The following PIEZO2 variants were observed in gnomAD, a reference collection of about 807,000 sequenced individuals.
The protein encoded by PIEZO2 is piezo-type mechanosensitive ion channel component 2.
PIEZO2 carries 172 observed loss-of-function variants against 337.3 expected under a neutral mutation model. The ratio of observed to expected loss-of-function variants is 0.51; its 90% CI spans 0.45 to 0.58. The LOEUF (loss-of-function observed/expected upper bound fraction) is 0.58, where lower values mean the gene tolerates loss of function less well. Ranked by LOEUF, PIEZO2 falls within the 20% of genes least tolerant of loss-of-function variation. The pLI, the probability that PIEZO2 is intolerant of heterozygous loss-of-function variation, is 0.00. For missense variants in PIEZO2, 3,028 were observed against 3,391.3 expected, an observed-to-expected ratio of 0.89 and a Z score of 2.66; for synonymous variants, 1,251 against 1,228.5, an observed-to-expected ratio of 1.02 and a Z score of -0.38.
Position 10,993,402 on chromosome 18 carries a change from G to A in PIEZO2, c.161-13742C>T, listed in dbSNP as rs2035181860. 6.6e-6 allele frequency among the ~76,000 whole-genome samples: 1 copy of A among 152,138 alleles called. No individual in the cohort carries two copies. The highest frequency in any genetic ancestry group is 2.1e-4 in the South Asian group (1 of 4,824). ...GCGTTCTATTGATACCTAGTTTATT[G>A]AGAGTTTTTAGCATGAAGGGGTGTT... On this transcript the variant is annotated intron_variant, in intron 2 of 55. Coordinates refer to ENST00000674853, the MANE Select transcript of PIEZO2 (RefSeq NM_001378183.1). The surrounding 1 kb of genome is among the most constrained non-coding windows in gnomAD (Gnocchi z 5.0).
intron 1 of PIEZO2, among the ~76,000 whole-genome samples, chr18:11,123,472 A>G (rs951910047): frequency 1.3e-5 from 2 of 152,238 alleles, no homozygotes; most frequent in African/African-American, 4.8e-5. Flanking sequence ...TTCATGTGAA[A>G]TGTGACCACA....
Position 10,798,276 on chromosome 18 carries a change from T to C in PIEZO2, c.1379-754A>G, listed in dbSNP as rs1363535519. Among the ~76,000 whole-genome samples the C allele has an allele frequency of 5.3e-5, 8 of 152,258 alleles. No homozygotes were observed. The East Asian group carries it at 1.5e-3, about 29-fold the overall frequency. Reference sequence around the variant, plus strand: ...AAGCCACTAAGTAGACTGCCCTTTCTGCCTTTCTTGTTCAAATCAAATGGG... The same window carrying C: ...AAGCCACTAAGTAGACTGCCCTTTCCGCCTTTCTTGTTCAAATCAAATGGG... On this transcript the variant is annotated intron_variant, in intron 11 of 55. Coordinates refer to ENST00000674853, the MANE Select transcript of PIEZO2 (RefSeq NM_001378183.1).
intron 52 of PIEZO2, among the ~76,000 whole-genome samples, chr18:10,678,811 T>C (rs2034130792): frequency 7.1e-6 from 1 of 141,474 alleles, no homozygotes; most frequent in African/African-American, 3.2e-5. Context: ...TCTCAGGAAG[T>C]CTCTCTCTTC....
intron 27 of PIEZO2, among the ~76,000 whole-genome samples, chr18:10,755,410 G>T (rs965248958): frequency 6.6e-6 from 1 of 152,152 alleles, no homozygotes; most frequent in Admixed American, 6.5e-5. Context: ...CAGCTAATAA[G>T]GGGGTATGAA....
Position 10,761,125 on chromosome 18 carries a change from A to C in PIEZO2, c.3250-14T>G, listed in dbSNP as rs2038111544. On this transcript the variant is annotated splice_polypyrimidine_tract_variant and intron_variant, in intron 23 of 55. Transcript: ENST00000674853. The stretch of plus-strand genomic sequence containing the variant: ...CAGGAGGTTATTCTACAAAGCAAGG[A>C]AACACAAATGTGTCAGCCAGAGGCT... The C allele has an allele frequency of 6.5e-7, 1 of 1,533,954 alleles. No individual in the cohort carries two copies. Among genetic ancestry groups the C allele is most frequent in the African/African-American group, 1.4e-5 (1 of 72,966 alleles).
chr18:10,891,582 C>T (rs778764769), intron 4 of PIEZO2, among the ~76,000 whole-genome samples: 2 of 152,168 alleles, frequency 1.3e-5, no homozygotes, highest in Non-Finnish European at 2.9e-5. Context: ...ACAATTCGCA[C>T]TCACAGGAAT....
intron 28 of PIEZO2, among the ~76,000 whole-genome samples, chr18:10,751,987 C>T (rs1277743197): frequency 6.6e-6 from 1 of 152,054 alleles, no homozygotes; most frequent in East Asian, 1.9e-4. Context: ...TTCGTCGGGG[C>T]CTGGTGCGGG....
At chr18:10,840,144 T>C (rs977950267) in intron 7 of PIEZO2, among the ~76,000 whole-genome samples, 2 of 152,230 alleles carry the variant, frequency 1.3e-5, no homozygotes, top group African/African-American at 4.8e-5. Flanking sequence ...ACATAACATA[T>C]TTTAATGTGT....
In PIEZO2 at chr18:10,803,976, T is replaced by C; in HGVS notation, c.1099A>G (p.Lys367Glu). 1 of 1,537,416 alleles carries C rather than the reference T, an allele frequency of 6.5e-7. No homozygotes were observed. Among genetic ancestry groups the C allele is most frequent in the Non-Finnish European group, 8.7e-7 (1 of 1,146,962 alleles). Residue 367 changes from lysine (K) to glutamate (E), a missense_variant, in exon 9 of 56, where the codon AAA (lysine) becomes GAA (glutamate). By Grantham distance (56) the Lys-to-Glu change is moderately conservative. Coordinates refer to ENST00000674853, the MANE Select transcript of PIEZO2 (RefSeq NM_001378183.1). The part of the protein sequence containing the change: ...QEPLVQDEGT[K>E]EEDKALACSP... ...CAAGCCAGGGCTTTGTCCTCTTCTT[T>C]GGTCCCCTCATCCTGCACCTGAAAC...
chr18:10,988,586 T>C lies in PIEZO2; in HGVS notation c.161-8926A>G, dbSNP rs1198972045. Among the ~76,000 whole-genome samples the C allele has an allele frequency of 1.3e-5, 2 of 152,144 alleles. No homozygotes were observed. The highest frequency in any genetic ancestry group is 2.9e-5 in the Non-Finnish European group (2 of 68,018). ...AAATAATCCCACTTCTGGGTATACA[T>C]TCAAAATAACTGAAATCAGGATGTC... is the stretch of plus-strand genomic sequence containing the variant. On this transcript the variant is annotated intron_variant, in intron 2 of 55. Coordinates refer to ENST00000674853, the MANE Select transcript of PIEZO2 (RefSeq NM_001378183.1). This position sits in a 1 kb window ranked among gnomAD's most constrained non-coding sequence, Gnocchi z 4.8.
rs1236717991 is a variant in PIEZO2 at position 10,676,644 on chromosome 18, T to C, written c.8081+1103A>G. 6.6e-6 allele frequency among the ~76,000 whole-genome samples: 1 copy of C among 152,228 alleles called. No homozygotes were observed. The highest frequency in any genetic ancestry group is 1.5e-5 in the Non-Finnish European group (1 of 68,042). On this transcript the variant is annotated intron_variant, in intron 53 of 55. Transcript: ENST00000674853. This position sits in a 1 kb window ranked among gnomAD's most constrained non-coding sequence, Gnocchi z 5.1. ...GTCTTTGCCTGGCTTTTGGTGATTA[T>C]GGTCAGATAAGAGCAAGGTTTGTCA...
Position 10,746,787 on chromosome 18 carries a change from G to A in PIEZO2, c.4424+1684C>T, listed in dbSNP as rs987024499. 2.6e-5 allele frequency among the ~76,000 whole-genome samples: 4 copies of A among 152,144 alleles called. No homozygotes were observed. Among genetic ancestry groups the A allele is most frequent in the Non-Finnish European group, 5.9e-5 (4 of 68,040 alleles). On this transcript the variant is annotated intron_variant, in intron 30 of 55. Transcript: ENST00000674853. The surrounding 1 kb of genome is among the most constrained non-coding windows in gnomAD (Gnocchi z 4.2). The stretch of plus-strand genomic sequence containing the variant: ...GCCATCTATGAGGAAGTGGGCCCTC[G>A]GCCGACACTGAATCTGCTCGAACCT...
At chr18:10,991,215 T>TACAC (rs573598542) in intron 2 of PIEZO2, among the ~76,000 whole-genome samples, 4 of 147,774 alleles carry the variant, frequency 2.7e-5, no homozygotes, top group Non-Finnish European at 3.0e-5. Context: ...CATATATATA[T>TACAC]ACACACACAC....
rs1379448749 is a variant in PIEZO2 at position 10,672,316 on chromosome 18, G to A, written c.8345+374C>T. Among the ~76,000 whole-genome samples, 1 of 152,184 alleles carries A rather than the reference G, an allele frequency of 6.6e-6. No individual in the cohort carries two copies. The highest frequency in any genetic ancestry group is 1.9e-4 in the East Asian group (1 of 5,192). ...TTTAAGCATCAGAACATGATGCGAT[G>A]TTTCAGAAGTTCAAAAGCAGGATGT... On this transcript the variant is annotated intron_variant, in intron 55 of 55. Transcript: ENST00000674853. This position sits in a 1 kb window ranked among gnomAD's most constrained non-coding sequence, Gnocchi z 4.7.
chr18:11,048,073 A>G lies in PIEZO2; in HGVS notation c.160+18054T>C, dbSNP rs1365602269. ...TGACACCTGCTGGGTGTAGACAGTC[A>G]AGAGCACAGCGGCAGCCACTGCCAC... On this transcript the variant is annotated intron_variant, in intron 2 of 55. Coordinates refer to ENST00000674853, the MANE Select transcript of PIEZO2 (RefSeq NM_001378183.1). The surrounding 1 kb of genome is among the most constrained non-coding windows in gnomAD (Gnocchi z 4.5). Among the ~76,000 whole-genome samples the G allele has an allele frequency of 2.0e-5, 3 of 152,144 alleles. No individual in the cohort carries two copies. The highest frequency in any genetic ancestry group is 7.2e-5 in the African/African-American group (3 of 41,428).
chr18:10,819,092 TAAG>T lies in PIEZO2; in HGVS notation c.918-11821_918-11819del, dbSNP rs1879324885. ...ATGGAAATGTTCCATTTAATTGTCATAAGAAGAACTCTGAGAACTGCATTTAAG... is the reference window on the plus strand; with the variant it reads ...ATGGAAATGTTCCATTTAATTGTCATAAGAACTCTGAGAACTGCATTTAAG... On this transcript the variant is annotated intron_variant, in intron 7 of 55. Transcript: ENST00000674853. The surrounding 1 kb of genome is among the most constrained non-coding windows in gnomAD (Gnocchi z 4.3). Among the ~76,000 whole-genome samples the T allele has an allele frequency of 6.6e-6, 1 of 152,218 alleles. No homozygotes were observed. Among genetic ancestry groups the T allele is most frequent in the Non-Finnish European group, 1.5e-5 (1 of 68,028 alleles).
In PIEZO2 at chr18:10,855,073, C is replaced by T. The variant is rs2041665530; in HGVS notation, c.917+280G>A. 1.3e-5 allele frequency among the ~76,000 whole-genome samples: 2 copies of T among 152,112 alleles called. No homozygotes were observed. Among genetic ancestry groups the T allele is most frequent in the Non-Finnish European group, 2.9e-5 (2 of 68,028 alleles). ...AAAATGTTCTTCCTGATCTTCTTCC[C>T]CAGCTGAGACTCTGTGTCTTATTCC... is the stretch of plus-strand genomic sequence containing the variant. On this transcript the variant is annotated intron_variant, in intron 7 of 55. Transcript: ENST00000674853. This position sits in a 1 kb window ranked among gnomAD's most constrained non-coding sequence, Gnocchi z 4.9.
rs142961037 is a variant in PIEZO2, at chr18:10,814,983, C to T, written c.918-7709G>A. 5.4e-4 allele frequency among the ~76,000 whole-genome samples: 82 copies of T among 152,286 alleles called. No homozygotes were observed. In the East Asian group the frequency reaches 0.015, roughly 29 times the overall value. ...GCTAGCAATAACTGCAGCCACCCAT[C>T]GATGGTCCCTGGGGATTTAATTCTT... On this transcript the variant is annotated intron_variant, in intron 7 of 55. Coordinates refer to ENST00000674853, the MANE Select transcript of PIEZO2 (RefSeq NM_001378183.1).
chr18:11,022,000 T>C lies in PIEZO2; in HGVS notation c.161-42340A>G, dbSNP rs2036329776. ...GTCTCTCAAGAACAAACCCCAGGCA[T>C]ACATCTGTGTCTGTAATCTCCTACA... On this transcript the variant is annotated intron_variant, in intron 2 of 55. Coordinates refer to ENST00000674853, the MANE Select transcript of PIEZO2 (RefSeq NM_001378183.1). The surrounding 1 kb of genome is among the most constrained non-coding windows in gnomAD (Gnocchi z 4.7). Among the ~76,000 whole-genome samples, 1 of 152,208 alleles carries C rather than the reference T, an allele frequency of 6.6e-6. No homozygotes were observed. The highest frequency in any genetic ancestry group is 6.5e-5 in the Admixed American group (1 of 15,282).
Sources: allele counts gnomAD v4.1 joint callset (sites outside exome capture counted in the v4.1 genomes callset), GRCh38; gene constraint gnomAD v4.1.1; non-coding constraint Gnocchi (gnomAD v3.1); transcripts MANE v1.5; gene names NCBI Gene and HGNC (gene_info 2026-07-23, HGNC 2026-07-21).